ZMAT4: variants seen among roughly 807,000 people sequenced by gnomAD.
The protein encoded by ZMAT4 is zinc finger matrin-type 4.
Under a neutral mutation model 28.7 loss-of-function variants are expected in ZMAT4, and 17 were observed. The observed-to-expected ratio is 0.59, with a 90% CI of 0.41 to 0.89. The LOEUF (loss-of-function observed/expected upper bound fraction) is 0.89, where lower values mean the gene tolerates loss of function less well. Among genes scored for constraint, ZMAT4 ranks in the 40% least tolerant of loss-of-function variants. The pLI is 0.00. For synonymous variants in ZMAT4, 117 were observed against 109.2 expected (o/e 1.07, Z -0.44); for missense variants, 240 against 283.8 (o/e 0.85, Z 1.11).
intron 6 of ZMAT4, among the ~76,000 whole-genome samples, chr8:40,572,770 G>T (rs949548687): frequency 1.3e-5 from 2 of 152,086 alleles, no homozygotes; most frequent in African/African-American, 4.8e-5. Flanking sequence ...TATTTCTCCT[G>T]TTGTTTAACA....
At position 40,604,956 on chromosome 8, in the gene ZMAT4, C is replaced by T. The variant is rs181736913; in HGVS notation, c.578-23695G>A. ...CTTACTTGTTTAATCTAGGAGGGCA[C>T]ATTTGTATGCATAAATGTGCTCATA... On this transcript the variant is annotated intron_variant, in intron 5 of 6. Coordinates refer to ENST00000297737, the MANE Select transcript of ZMAT4 (RefSeq NM_024645.3). Among the ~76,000 whole-genome samples, 22 of 151,520 alleles carry T rather than the reference C, an allele frequency of 1.5e-4. No individual in the cohort carries two copies. The East Asian group carries it at 3.3e-3, about 23-fold the overall frequency.
intron 1 of ZMAT4, among the ~76,000 whole-genome samples, chr8:40,894,101 G>T (rs776285188): frequency 1.2e-4 from 18 of 152,212 alleles, no homozygotes; most frequent in Non-Finnish European, 2.2e-4. Context: ...TGTTTCCAAG[G>T]TCAGCTCTGC....
intron 5 of ZMAT4, among the ~76,000 whole-genome samples, chr8:40,588,663 T>G (rs1382003629): frequency 6.6e-6 from 1 of 152,066 alleles, no homozygotes. Flanking sequence ...ATTTGACACA[T>G]TCTTGAGGGG....
intron 2 of ZMAT4, among the ~76,000 whole-genome samples, chr8:40,794,365 T>C (rs753387995): frequency 1.3e-5 from 2 of 152,178 alleles, no homozygotes; most frequent in African/African-American, 4.8e-5. Context: ...TATAGCACTA[T>C]GTGTCTTGGT....
chr8:40,855,034 A>G (rs1174287547), intron 1 of ZMAT4, among the ~76,000 whole-genome samples: 2 of 152,298 alleles, frequency 1.3e-5, no homozygotes, highest in Non-Finnish European at 2.9e-5. Context: ...TGCCAAATGC[A>G]TACTGTACAC....
chr8:40,665,907 A>G (rs895562851), intron 5 of ZMAT4, among the ~76,000 whole-genome samples: 1 of 152,204 alleles, frequency 6.6e-6, no homozygotes, highest in Admixed American at 6.5e-5. Flanking sequence ...AGCACAGCTC[A>G]GCTTACGGTT....
chr8:40,549,662 A>C (rs17637049), intron 6 of ZMAT4, among the ~76,000 whole-genome samples: 6,115 of 152,210 alleles, frequency 0.04, 154 homozygotes, highest in South Asian at 0.093. Context: ...TCACTGCTAT[A>C]GTTCAAAACA....
At chr8:40,601,194 T>C (rs886979464) in intron 5 of ZMAT4, among the ~76,000 whole-genome samples, 2 of 151,984 alleles carry the variant, frequency 1.3e-5, no homozygotes, top group Non-Finnish European at 2.9e-5. Flanking sequence ...GGTCAGGATT[T>C]TACAGGGTAG....
intron 5 of ZMAT4, among the ~76,000 whole-genome samples, chr8:40,666,016 T>C (rs1808399650): frequency 6.6e-6 from 1 of 152,162 alleles, no homozygotes; most frequent in Non-Finnish European, 1.5e-5. Context: ...AACAATAAAA[T>C]AACTGTGCAT....
At chr8:40,823,051 T>G (rs1815888580) in intron 2 of ZMAT4, among the ~76,000 whole-genome samples, 1 of 152,152 alleles carries the variant, frequency 6.6e-6, no homozygotes, top group Admixed American at 6.5e-5. Context: ...TTAAACAATT[T>G]TTCATTGTTT....
chr8:40,588,902 AAGAAT>A, intron 5 of ZMAT4, among the ~76,000 whole-genome samples: 1 of 152,176 alleles, frequency 6.6e-6, no homozygotes, highest in Non-Finnish European at 1.5e-5. Flanking sequence ...CCATCAACAC[AAGAAT>A]TGATCGTAAC....
intron 3 of ZMAT4, among the ~76,000 whole-genome samples, chr8:40,713,677 G>A (rs987812811): frequency 1.3e-5 from 2 of 151,912 alleles, no homozygotes; most frequent in Non-Finnish European, 2.9e-5. Flanking sequence ...GGGAGGCGGA[G>A]GCAGGTAGAT....
At chr8:40,580,728 T>A (rs1016758738) in intron 6 of ZMAT4, among the ~76,000 whole-genome samples, 1 of 152,194 alleles carries the variant, frequency 6.6e-6, no homozygotes, top group African/African-American at 2.4e-5. Flanking sequence ...TGTATAATAG[T>A]GAATAGTCAT....
chr8:40,580,486 C>T (rs2118541939), intron 6 of ZMAT4, among the ~76,000 whole-genome samples: 1 of 152,148 alleles, frequency 6.6e-6, no homozygotes, highest in East Asian at 1.9e-4. Context: ...AGGAAAATTA[C>T]AACTTTTTGA....
chr8:40,833,443 C>T (rs1816357944), intron 1 of ZMAT4, among the ~76,000 whole-genome samples: 1 of 150,870 alleles, frequency 6.6e-6, no homozygotes, highest in Non-Finnish European at 1.5e-5. Flanking sequence ...TGGTGCGTGC[C>T]TGTAATCCCA....
intron 5 of ZMAT4, among the ~76,000 whole-genome samples, chr8:40,630,280 C>G (rs565619868): frequency 6.6e-6 from 1 of 152,148 alleles, no homozygotes; most frequent in African/African-American, 2.4e-5. Context: ...TGCCTATAGA[C>G]GTGTCCACAG....
chr8:40,871,216 T>C (rs1055837362), intron 1 of ZMAT4, among the ~76,000 whole-genome samples: 1 of 152,128 alleles, frequency 6.6e-6, no homozygotes, highest in Non-Finnish European at 1.5e-5. Flanking sequence ...AACATTTGCT[T>C]AAATATGCTA....
chr8:40,573,055 C>A (rs1351618272), intron 6 of ZMAT4, among the ~76,000 whole-genome samples: 1 of 152,106 alleles, frequency 6.6e-6, no homozygotes, highest in African/African-American at 2.4e-5. Context: ...GAATGCTGTG[C>A]ATTTTAGATA....
At chr8:40,859,474 G>GCACA (rs757107216) in intron 1 of ZMAT4, among the ~76,000 whole-genome samples, 7 of 120,324 alleles carry the variant, frequency 5.8e-5, no homozygotes, top group African/African-American at 1.4e-4. Flanking sequence ...ACACACACAT[G>GCACA]CACACACACA....
Sources: gnomAD v4.1 joint callset for allele counts (sites outside exome capture counted in the v4.1 genomes callset) on GRCh38, gnomAD v4.1.1 for gene constraint, MANE v1.5 for transcripts, NCBI Gene and HGNC (gene_info 2026-07-23, HGNC 2026-07-21) for gene names.